The following LAMA3 variants were observed in gnomAD, a reference collection of about 807,000 sequenced individuals.
The protein encoded by LAMA3 is laminin subunit alpha-3.
A neutral mutation model predicts 402.0 loss-of-function variants in LAMA3; 281 were observed. The ratio of observed to expected loss-of-function variants is 0.70; its 90% CI spans 0.63 to 0.77. The LOEUF is 0.77. Among genes scored for constraint, LAMA3 ranks in the 30% least tolerant of loss-of-function variants. The pLI is 0.00. For synonymous variants in LAMA3, 1,431 were observed against 1,558.4 expected, an observed-to-expected ratio of 0.92 and a Z score of 1.93; for missense variants, 3,840 against 4,215.5, an observed-to-expected ratio of 0.91 and a Z score of 2.47.
intron 17 of LAMA3, 49 bp from the exon 18 acceptor site, chr18:23,816,339 A>G (rs1413323646): frequency 1.4e-5 from 20 of 1,435,712 alleles, no homozygotes; most frequent in Non-Finnish European, 2.0e-5. Flanking sequence ...GGAGGCGCTC[A>G]GTGTGGAGAT....
At position 23,912,621 on chromosome 18, in the gene LAMA3, T is replaced by TA. The variant is rs150820724; in HGVS notation, c.7159-89dup. 1.9e-4 allele frequency: 200 copies of TA among 1,043,936 alleles called. 1 individual carries two copies. The African/African-American group carries it at 2.8e-3, about 14-fold the overall frequency. 64.7% of individuals were successfully genotyped at this position (1,043,936 alleles called of 1,614,324 possible). Reference sequence around the variant, plus strand: ...ATCATAACAACTCAGGAAAGGCTGATACATGGCTACGAGTCACAAACTAGC... The same window carrying TA: ...ATCATAACAACTCAGGAAAGGCTGATAACATGGCTACGAGTCACAAACTAGC... On this transcript the variant is annotated intron_variant, in intron 55 of 74. Transcript: ENST00000313654.
At chr18:23,922,631 T>C (rs931761256) in intron 62 of LAMA3, among the ~76,000 whole-genome samples, 3 of 152,218 alleles carry the variant, frequency 2.0e-5, no homozygotes, top group African/African-American at 7.2e-5. Flanking sequence ...GTTTTACAAA[T>C]GAAGAAATTC....
rs755425813 is a variant in LAMA3 at position 23,951,671 on chromosome 18, A to T, written c.9643-13A>T. The T allele has an allele frequency of 1.2e-5, 20 of 1,610,040 alleles. No homozygotes were observed. The highest frequency in any genetic ancestry group is 2.2e-5 in the East Asian group (1 of 44,836). On this transcript the variant is annotated splice_polypyrimidine_tract_variant and intron_variant, in intron 72 of 74. Coordinates refer to ENST00000313654, the MANE Select transcript of LAMA3 (RefSeq NM_198129.4). ...CTTCCTGAAGGAAATAGGAAAATGCATGTGTGTTCCAGGTCACGGCCTCTA... is the reference window on the plus strand; with the variant it reads ...CTTCCTGAAGGAAATAGGAAAATGCTTGTGTGTTCCAGGTCACGGCCTCTA...
chr18:23,908,892 C>T (rs1254095149), intron 54 of LAMA3, among the ~76,000 whole-genome samples: 1 of 152,188 alleles, frequency 6.6e-6, no homozygotes, highest in East Asian at 1.9e-4. Context: ...CCAAACAGCA[C>T]CCAATTCAAA....
intron 48 of LAMA3, 49 bp from the exon 49 acceptor site, chr18:23,902,960 T>C (rs1339899672): frequency 9.3e-7 from 1 of 1,076,738 alleles, no homozygotes; most frequent in Non-Finnish European, 1.4e-6. Context: ...GTCTATGCCT[T>C]CTGATAATAT....
chr18:23,829,960 C>T (rs2063460997), intron 23 of LAMA3, among the ~76,000 whole-genome samples: 2 of 152,152 alleles, frequency 1.3e-5, no homozygotes, highest in African/African-American at 4.8e-5. Flanking sequence ...TTTGAACATC[C>T]TTGTCTTCAA....
intron 12 of LAMA3, among the ~76,000 whole-genome samples, chr18:23,807,312 A>G (rs1027522181): frequency 5.9e-5 from 9 of 152,182 alleles, no homozygotes; most frequent in African/African-American, 1.7e-4. Context: ...CCCTACCTGT[A>G]TTTATGAATT....
rs2063646039 is a variant in LAMA3 at position 23,839,222 on chromosome 18, A to G, written c.3191+344A>G. On this transcript the variant is annotated intron_variant, in intron 26 of 74. Transcript: ENST00000313654. This position sits in a 1 kb window ranked among gnomAD's most constrained non-coding sequence, Gnocchi z 4.5. ...GACTCTTCATTTAGAAAACCATGAA[A>G]ATAATGACCTATCTCATAACTATGT... is the stretch of plus-strand genomic sequence containing the variant. Among the ~76,000 whole-genome samples, 1 of 152,154 alleles carries G rather than the reference A, an allele frequency of 6.6e-6. No individual in the cohort carries two copies. Among genetic ancestry groups the G allele is most frequent in the Non-Finnish European group, 1.5e-5 (1 of 68,028 alleles).
At chr18:23,895,122 T>C in intron 44 of LAMA3, 64 bp downstream of exon 44, 1 of 1,524,890 alleles carries the variant, frequency 6.6e-7, no homozygotes, top group African/African-American at 1.4e-5. Context: ...GGATTCTCCA[T>C]AAGCAGGAAG....
intron 40 of LAMA3, among the ~76,000 whole-genome samples, chr18:23,883,986 C>A (rs2064985796): frequency 6.6e-6 from 1 of 151,198 alleles, no homozygotes; most frequent in Non-Finnish European, 1.5e-5. Flanking sequence ...AGTGATATTC[C>A]CTCAGATGTC....
intron 35 of LAMA3, among the ~76,000 whole-genome samples, chr18:23,864,202 ACTTT>A (rs370482895): frequency 8.0e-4 from 121 of 150,952 alleles, no homozygotes; most frequent in African/African-American, 2.8e-3. Flanking sequence ...TATTTTTCTT[ACTTT>A]CTTTCTTTTC....
In LAMA3 at chr18:23,824,577, T is replaced by G; in HGVS notation, c.2571+12T>G. On this transcript the variant is annotated intron_variant, in intron 21 of 74. Transcript: ENST00000313654. The stretch of plus-strand genomic sequence containing the variant: ...AAGGAGTCCTTCTGGTAAGACTTAG[T>G]TCTGAATGGAGAGCTCCTGCGGGAT... The G allele has an allele frequency of 6.2e-7, 1 of 1,613,760 alleles. No homozygotes were observed. The highest frequency in any genetic ancestry group is 1.3e-5 in the African/African-American group (1 of 75,034).
chr18:23,900,805 C>T (rs914752275), intron 47 of LAMA3, among the ~76,000 whole-genome samples: 3 of 152,136 alleles, frequency 2.0e-5, no homozygotes, highest in African/African-American at 7.2e-5. Flanking sequence ...ATGCACTTTA[C>T]CCCCTGCAGC....
intron 38 of LAMA3, chr18:23,873,307 G>A (rs1210076377): frequency 1.6e-5 from 18 of 1,149,836 alleles, no homozygotes; most frequent in African/African-American, 4.5e-5. Context: ...ATGAGTAAAT[G>A]GGTGGACTGA....
intron 1 of LAMA3, among the ~76,000 whole-genome samples, chr18:23,698,372 A>AATTTTTCT (rs2060725580): frequency 1.3e-5 from 2 of 151,914 alleles, no homozygotes; most frequent in Non-Finnish European, 2.9e-5. Flanking sequence ...ACGCCCAGCT[A>AATTTTTCT]ATTTTTCTAT....
chr18:23,761,484 C>T (rs2061967999), intron 7 of LAMA3, among the ~76,000 whole-genome samples: 2 of 152,174 alleles, frequency 1.3e-5, no homozygotes, highest in Non-Finnish European at 2.9e-5. Context: ...AGCTATGTAA[C>T]GATGGGCATA....
At chr18:23,762,778 G>A (rs1035324560) in intron 7 of LAMA3, among the ~76,000 whole-genome samples, 2 of 150,944 alleles carry the variant, frequency 1.3e-5, no homozygotes, top group Non-Finnish European at 3.0e-5. Context: ...GAGTGCAGTG[G>A]CACTATCTTG....
rs929967132 is a variant in LAMA3, at chr18:23,820,065, G to C, written c.2304+68G>C. On this transcript the variant is annotated intron_variant, in intron 19 of 74. Transcript: ENST00000313654. ...GATACTTCCCCACACCAGTCTCAGG[G>C]AGCCCCCTGAAAGGTGACCTGTCCC... The C allele has an allele frequency of 3.9e-5, 57 of 1,467,538 alleles. 1 individual carries two copies. In the South Asian group the frequency reaches 6.4e-4, roughly 17 times the overall value. 90.9% of individuals were successfully genotyped at this position (1,467,538 alleles called of 1,614,324 possible).
In LAMA3 at chr18:23,815,255, G is replaced by C; in HGVS notation, c.1941+15G>C. 6.2e-7 allele frequency: 1 copy of C among 1,612,924 alleles called. No individual in the cohort carries two copies. Among genetic ancestry groups the C allele is most frequent in the Non-Finnish European group, 8.5e-7 (1 of 1,179,106 alleles). ...AGTGTAGGCAGGTAAAGTGGGCTGA[G>C]TTTTCATGTGACAACAGCAGAATGC... On this transcript the variant is annotated intron_variant, in intron 16 of 74. Transcript: ENST00000313654.
Sources: allele counts gnomAD v4.1 joint callset (sites outside exome capture counted in the v4.1 genomes callset), GRCh38; gene constraint gnomAD v4.1.1; non-coding constraint Gnocchi (gnomAD v3.1); transcripts MANE v1.5; gene names NCBI Gene and HGNC (gene_info 2026-07-23, HGNC 2026-07-21).